Variants in CDH13 observed in about 807,000 individuals in gnomAD.
CDH13 encodes the protein cadherin-13.
In CDH13, 24 loss-of-function variants were observed where a neutral mutation model predicts 63.8. The observed-to-expected ratio is 0.38, with a 90% CI of 0.27 to 0.53. The LOEUF is 0.53. CDH13 is among the 20% of genes least tolerant of loss of function. The pLI, the probability that CDH13 is intolerant of heterozygous loss-of-function variation, is 0.85. For synonymous variants in CDH13, 503 were observed against 355.3 expected (o/e 1.42, Z -4.67); for missense variants, 1,049 against 903.1 (o/e 1.16, Z -2.07).
At chr16:83,422,152 T>C (rs138324169) in intron 6 of CDH13, among the ~76,000 whole-genome samples, 155 of 152,376 alleles carry the variant, frequency 1.0e-3, no homozygotes, top group African/African-American at 3.6e-3. Flanking sequence ...TTGAAGGCCA[T>C]GTTCCCCTTT....
intron 13 of CDH13, among the ~76,000 whole-genome samples, chr16:83,793,612 A>T (rs983160896): frequency 1.3e-5 from 2 of 152,138 alleles, no homozygotes; most frequent in Non-Finnish European, 2.9e-5. Context: ...GCCCCCAAAG[A>T]TGTACTCTTC....
intron 6 of CDH13, among the ~76,000 whole-genome samples, chr16:83,366,778 A>C (rs1472914475): frequency 6.6e-6 from 1 of 152,134 alleles, no homozygotes; most frequent in Non-Finnish European, 1.5e-5. Flanking sequence ...GAAAGTCTGA[A>C]ATGGGGAGCA....
intron 1 of CDH13, among the ~76,000 whole-genome samples, chr16:82,757,495 T>C (rs1230507720): frequency 6.6e-6 from 1 of 152,242 alleles, no homozygotes; most frequent in South Asian, 2.1e-4. Context: ...AACATTTAAT[T>C]GCAAGAGATA....
rs750711823 is a variant in CDH13, at chr16:83,120,763, C to CTTTTTTTTTTTTT, written c.367-4618_367-4606dup. 6.4e-3 allele frequency among the ~76,000 whole-genome samples: 384 copies of CTTTTTTTTTTTTT among 60,170 alleles called. 44 individuals are homozygous for CTTTTTTTTTTTTT. Among genetic ancestry groups the CTTTTTTTTTTTTT allele is most frequent in the African/African-American group, 0.016 (322 of 20,636 alleles). The allele number at this position is 60,170 out of a possible 152,430, so 39.5% of individuals were successfully genotyped here. A position where few individuals can be genotyped will look rare whatever the true frequency, so the allele number is the denominator to read the frequency against. ...AATACAACGCGCTCTAATTTTCTTT[C>CTTTTTTTTTTTTT]TTTTTTTTTTTTTTTTCTGAGATGG... On this transcript the variant is annotated intron_variant, in intron 3 of 13. Coordinates refer to ENST00000567109, the MANE Select transcript of CDH13 (RefSeq NM_001257.5).
intron 3 of CDH13, among the ~76,000 whole-genome samples, chr16:83,061,287 T>C (rs538478987): frequency 3.9e-5 from 6 of 152,200 alleles, no homozygotes; most frequent in Admixed American, 6.5e-5. Context: ...GTGACTCTAA[T>C]GGTAGACAAT....
intron 6 of CDH13, among the ~76,000 whole-genome samples, chr16:83,415,815 C>G (rs1334241451): frequency 1.3e-5 from 2 of 152,104 alleles, no homozygotes; most frequent in African/African-American, 4.8e-5. Context: ...AGTGATAAAA[C>G]TAAAAGCTTA....
chr16:82,929,872 C>T (rs955346014), intron 2 of CDH13, among the ~76,000 whole-genome samples: 4 of 151,740 alleles, frequency 2.6e-5, no homozygotes, highest in African/African-American at 9.7e-5. Context: ...AAGGAGTAGT[C>T]ATAACAAATC....
intron 1 of CDH13, among the ~76,000 whole-genome samples, chr16:82,681,105 G>T (rs1398590866): frequency 6.6e-6 from 1 of 152,194 alleles, no homozygotes; most frequent in Non-Finnish European, 1.5e-5. Flanking sequence ...TCTGCAAAAA[G>T]ATATTCTTGG....
At chr16:83,550,477 A>G (rs1252365411) in intron 7 of CDH13, among the ~76,000 whole-genome samples, 1 of 152,178 alleles carries the variant, frequency 6.6e-6, no homozygotes, top group Non-Finnish European at 1.5e-5. Flanking sequence ...AATGATGGAG[A>G]CAATTGATTG....
chr16:83,052,068 A>G (rs1415389771), intron 3 of CDH13, among the ~76,000 whole-genome samples: 1 of 152,232 alleles, frequency 6.6e-6, no homozygotes, highest in Non-Finnish European at 1.5e-5. Context: ...TGATAGAGAA[A>G]TAATTCAAGC....
chr16:83,601,094 C>G (rs991267080), intron 7 of CDH13, among the ~76,000 whole-genome samples: 1 of 152,086 alleles, frequency 6.6e-6, no homozygotes, highest in Non-Finnish European at 1.5e-5. Context: ...GATGCACTGA[C>G]TGACTTCTTC....
At chr16:83,216,649 TATC>T (rs2039541463) in intron 4 of CDH13, among the ~76,000 whole-genome samples, 1 of 145,030 alleles carries the variant, frequency 6.9e-6, no homozygotes, top group Admixed American at 7.1e-5. Flanking sequence ...ATATATTATA[TATC>T]ATATTTAGGG....
intron 7 of CDH13, among the ~76,000 whole-genome samples, chr16:83,538,672 T>A (rs2075241732): frequency 6.6e-6 from 1 of 152,152 alleles, no homozygotes; most frequent in Non-Finnish European, 1.5e-5. Flanking sequence ...ATCAGGGATG[T>A]GGATGTAGGC....
At chr16:83,262,290 A>G (rs1907086734) in intron 5 of CDH13, among the ~76,000 whole-genome samples, 2 of 152,166 alleles carry the variant, frequency 1.3e-5, no homozygotes, top group African/African-American at 4.8e-5. Context: ...TGATTTGCCC[A>G]TGGGGGGAGG....
At chr16:83,636,149 C>T (rs532693390) in intron 8 of CDH13, among the ~76,000 whole-genome samples, 69 of 151,768 alleles carry the variant, frequency 4.5e-4, no homozygotes, top group Non-Finnish European at 7.4e-4. Flanking sequence ...AGGTCTATTC[C>T]GTGTCCTCCG....
At chr16:82,896,173 C>A (rs1408317287) in intron 2 of CDH13, among the ~76,000 whole-genome samples, 2 of 151,434 alleles carry the variant, frequency 1.3e-5, no homozygotes, top group Admixed American at 6.6e-5. Context: ...TGAGCAATAG[C>A]CTTATTTTCC....
chr16:83,125,637 C>A, intron 4 of CDH13, 136 bp downstream of exon 4: 2 of 538,164 alleles, frequency 3.7e-6, no homozygotes, highest in South Asian at 3.2e-5. Flanking sequence ...ATGGTTTAGT[C>A]ATGAAAAGAA....
intron 1 of CDH13, among the ~76,000 whole-genome samples, chr16:82,795,251 A>C (rs1597609846): frequency 6.6e-6 from 1 of 152,152 alleles, no homozygotes; most frequent in African/African-American, 2.4e-5. Context: ...ATGGACATGG[A>C]CAGTTGTCCC....
intron 4 of CDH13, among the ~76,000 whole-genome samples, chr16:83,210,095 C>T (rs776803358): frequency 5.9e-5 from 9 of 151,972 alleles, no homozygotes; most frequent in Admixed American, 1.3e-4. Context: ...GACAGAGTCT[C>T]GCTCTGTCAT....
Sources: allele counts gnomAD v4.1 joint callset (sites outside exome capture counted in the v4.1 genomes callset), GRCh38; gene constraint gnomAD v4.1.1; transcripts MANE v1.5; gene names NCBI Gene and HGNC (gene_info 2026-07-23, HGNC 2026-07-21).